FCF1: variants seen among roughly 807,000 people sequenced by gnomAD.
FCF1 encodes rRNA-processing protein FCF1 homolog.
Under a neutral mutation model 32.5 loss-of-function variants are expected in FCF1, and 17 were observed. That is an observed-to-expected ratio of 0.52 (90% CI 0.36 to 0.78). FCF1 has a LOEUF of 0.78. Ranked by LOEUF, FCF1 falls within the 30% of genes least tolerant of loss-of-function variation. The pLI is 0.00. For synonymous variants in FCF1, 84 were observed against 78.4 expected, an observed-to-expected ratio of 1.07 and a Z score of -0.38; for missense variants, 201 against 241.1, an observed-to-expected ratio of 0.83 and a Z score of 1.10.
chr14:74,714,130 T>A (rs953237261), intron 2 of FCF1, among the ~76,000 whole-genome samples: 10 of 152,212 alleles, frequency 6.6e-5, no homozygotes, highest in African/African-American at 2.4e-4. Flanking sequence ...AGCATAGCTA[T>A]TAAATAAAGA....
chr14:74,735,048 G>T lies in FCF1; in HGVS notation c.*118G>T. 3 of 701,210 alleles carry T rather than the reference G, an allele frequency of 4.3e-6. No individual in the cohort carries two copies. Among genetic ancestry groups the T allele is most frequent in the Non-Finnish European group, 7.3e-6 (3 of 409,530 alleles). The allele number at this position is 701,210 out of a possible 1,614,324, so 43.4% of individuals were successfully genotyped here. A position where few individuals can be genotyped will look rare whatever the true frequency, so the allele number is the denominator to read the frequency against. On this transcript the variant is annotated 3_prime_UTR_variant, in exon 8 of 8. Coordinates refer to ENST00000341162, the MANE Select transcript of FCF1 (RefSeq NM_015962.5). ...CAGAGAGACTGATGGAGTTCAGGGA[G>T]ATATTTATTATTTAGGTGCACCAGC...
chr14:74,720,318 A>T (rs982708778), intron 4 of FCF1, among the ~76,000 whole-genome samples: 1 of 152,198 alleles, frequency 6.6e-6, no homozygotes, highest in Non-Finnish European at 1.5e-5. Flanking sequence ...CCATTATCCC[A>T]GGAAGAAACC....
chr14:74,728,299 C>T (rs1022838602), intron 5 of FCF1, among the ~76,000 whole-genome samples: 5 of 152,126 alleles, frequency 3.3e-5, no homozygotes, highest in Non-Finnish European at 5.9e-5. Context: ...GTTTGTAATT[C>T]TCCTTGAAGA....
intron 5 of FCF1, among the ~76,000 whole-genome samples, chr14:74,727,911 T>C (rs528376811): frequency 6.6e-6 from 1 of 152,348 alleles, no homozygotes; most frequent in South Asian, 2.1e-4. Flanking sequence ...ATCAGATAGT[T>C]GTAGATATGC....
chr14:74,713,340 C>A, intron 1 of FCF1, 140 bp downstream of exon 1: 1 of 1,581,478 alleles, frequency 6.3e-7, no homozygotes, highest in East Asian at 2.3e-5. Flanking sequence ...CTTCTCCAAG[C>A]GGTGACTGTT....
chr14:74,726,956 A>G (rs976808701), intron 5 of FCF1, among the ~76,000 whole-genome samples: 15 of 152,092 alleles, frequency 9.9e-5, no homozygotes, highest in African/African-American at 3.6e-4. Flanking sequence ...TTATGGCTGC[A>G]TAGTATTCCA....
At chr14:74,718,283 G>A (rs2090449311) in intron 4 of FCF1, among the ~76,000 whole-genome samples, 1 of 152,102 alleles carries the variant, frequency 6.6e-6, no homozygotes, top group East Asian at 1.9e-4. Context: ...AACAAGGAAG[G>A]ATAGTTTGCT....
intron 4 of FCF1, among the ~76,000 whole-genome samples, chr14:74,722,369 T>C (rs1215503281): frequency 6.6e-6 from 1 of 152,086 alleles, no homozygotes; most frequent in African/African-American, 2.4e-5. Flanking sequence ...TTTTCATCTG[T>C]TTAATCTTTG....
rs2090413700 is a variant in FCF1, at chr14:74,715,999, C to T, written c.192C>T (p.Gly64=). The T allele has an allele frequency of 1.2e-6, 2 of 1,613,702 alleles. No homozygotes were observed. Among genetic ancestry groups the T allele is most frequent in the Non-Finnish European group, 8.5e-7 (1 of 1,179,756 alleles). The change falls in exon 4 of 8, where the codon GGC becomes GGT. Residue 64 remains glycine (G), a synonymous_variant. Transcript: ENST00000341162. ...TTTTCCAATATAATACACAGCTGGG[C>T]CCACCTTACCACATCCTCGTTGATA... ...CLFFQYNTQL[G]PPYHILVDTN...
intron 5 of FCF1, among the ~76,000 whole-genome samples, chr14:74,728,145 T>G (rs1465695499): frequency 3.3e-5 from 5 of 152,176 alleles, no homozygotes; most frequent in Admixed American, 2.6e-4. Flanking sequence ...GTGAAGAAAG[T>G]CATTGGTAGC....
At chr14:74,717,505 T>A in intron 4 of FCF1, among the ~76,000 whole-genome samples, 1 of 152,232 alleles carries the variant, frequency 6.6e-6, no homozygotes, top group East Asian at 1.9e-4. Context: ...AGGGGACCAT[T>A]GTTTTTTCAT....
chr14:74,731,879 G>C (rs959239953), intron 5 of FCF1, among the ~76,000 whole-genome samples: 6 of 152,126 alleles, frequency 3.9e-5, no homozygotes, highest in Admixed American at 1.3e-4. Context: ...AATAGAAAGA[G>C]CATGGCTCTC....
intron 5 of FCF1, among the ~76,000 whole-genome samples, chr14:74,729,556 C>T (rs1236718763): frequency 6.6e-6 from 1 of 152,046 alleles, no homozygotes; most frequent in African/African-American, 2.4e-5. Flanking sequence ...AAAACCAGCT[C>T]CTGGATTCAT....
At chr14:74,725,480 C>CAAA (rs35508938) in intron 5 of FCF1, among the ~76,000 whole-genome samples, 11 of 40,000 alleles carry the variant, frequency 2.8e-4, no homozygotes, top group African/African-American at 7.8e-4. Context: ...ACCCTGTCTC[C>CAAA]AAAAAAAAAA....
chr14:74,715,835 G>A, intron 3 of FCF1, 116 bp from the exon 4 acceptor site: 1 of 1,605,504 alleles, frequency 6.2e-7, no homozygotes. Context: ...TATTTCCAAT[G>A]AACATGGACA....
rs938749469 is a variant in FCF1, at chr14:74,717,498, G to A, written c.292+1399G>A. Among the ~76,000 whole-genome samples, 4 of 152,206 alleles carry A rather than the reference G, an allele frequency of 2.6e-5. No individual in the cohort carries two copies. In the South Asian group the frequency reaches 6.2e-4, roughly 24 times the overall value. The stretch of plus-strand genomic sequence containing the variant: ...AATTGATTGGGTGGCAATGGTCAGG[G>A]GACCATTGTTTTTTCATATAGGCCT... On this transcript the variant is annotated intron_variant, in intron 4 of 7. Coordinates refer to ENST00000341162, the MANE Select transcript of FCF1 (RefSeq NM_015962.5).
At chr14:74,721,407 A>G (rs955781997) in intron 4 of FCF1, among the ~76,000 whole-genome samples, 1 of 152,226 alleles carries the variant, frequency 6.6e-6, no homozygotes, top group South Asian at 2.1e-4. Flanking sequence ...ATTCTTTTTT[A>G]AAGTTATGTA....
chr14:74,714,798 A>G (rs1007319856), intron 2 of FCF1, 74 bp from the exon 3 acceptor site: 34 of 1,486,962 alleles, frequency 2.3e-5, no homozygotes, highest in Non-Finnish European at 2.9e-5. Context: ...AAAAAATGGA[A>G]CTTTAGATTT....
chr14:74,722,593 TA>T (rs2090520120), intron 4 of FCF1, among the ~76,000 whole-genome samples: 1 of 152,092 alleles, frequency 6.6e-6, no homozygotes, highest in Non-Finnish European at 1.5e-5. Context: ...TGATCAGATT[TA>T]CATTATCTGG....
Sources: allele counts gnomAD v4.1 joint callset (sites outside exome capture counted in the v4.1 genomes callset), GRCh38; gene constraint gnomAD v4.1.1; transcripts MANE v1.5; gene names NCBI Gene and HGNC (gene_info 2026-07-23, HGNC 2026-07-21).